LNX2: variants seen among roughly 807,000 people sequenced by gnomAD.
The protein encoded by LNX2 is ligand of numb-protein X 2, also known as ligand of Numb protein X 2.
A neutral mutation model predicts 66.2 loss-of-function variants in LNX2; 35 were observed. That is an observed-to-expected ratio of 0.53 (90% CI 0.40 to 0.70). The LOEUF (loss-of-function observed/expected upper bound fraction) is 0.70, where lower values mean the gene tolerates loss of function less well. Among genes scored for constraint, LNX2 ranks in the 30% least tolerant of loss-of-function variants. LNX2 has a pLI of 0.00. For synonymous variants in LNX2, 337 were observed against 315.6 expected (o/e 1.07, Z -0.72); for missense variants, 791 against 850.8 (o/e 0.93, Z 0.87).
rs1566124642 is a variant in LNX2, at chr13:27,583,203, T to TGCGCGC, written c.-100-1401_-100-1400insGCGCGC. On this transcript the variant is annotated intron_variant, in intron 1 of 9. Transcript: ENST00000316334. Reference sequence around the variant, plus strand: ...GTGTGTGTGTGTGTGTGTGTGTGTGTGTGTGTGTGTGTGTGTGTGTGTGTG... The same window carrying TGCGCGC: ...GTGTGTGTGTGTGTGTGTGTGTGTGTGCGCGCGTGTGTGTGTGTGTGTGTGTGTGTG... Among the ~76,000 whole-genome samples the TGCGCGC allele has an allele frequency of 4.2e-3, 70 of 16,508 alleles. 11 individuals carry two copies. The highest frequency in any genetic ancestry group is 0.042 in the Middle Eastern group (1 of 24). 10.8% of individuals were successfully genotyped at this position (16,508 alleles called of 152,430 possible). A position where few individuals can be genotyped will look rare whatever the true frequency, so the allele number is the denominator to read the frequency against.
At position 27,602,863 on chromosome 13, in the gene LNX2, T is replaced by C. The variant is rs1328006019; in HGVS notation, c.-101+17512A>G. ...GCTGTCTTTTTAATTTTAGCCATTG[T>C]GTTATGTGTGATCAATTAATATTTT... On this transcript the variant is annotated intron_variant, in intron 1 of 9. Transcript: ENST00000316334. 2.0e-5 allele frequency among the ~76,000 whole-genome samples: 3 copies of C among 151,790 alleles called. No homozygotes were observed. The East Asian group carries it at 5.9e-4, about 30-fold the overall frequency.
Position 27,546,893 on chromosome 13 carries a change from G to A in LNX2, c.*1442C>T, listed in dbSNP as rs976683678. On this transcript the variant is annotated 3_prime_UTR_variant, in exon 10 of 10. Coordinates refer to ENST00000316334, the MANE Select transcript of LNX2 (RefSeq NM_153371.4). ...ATGTTGAATAAAGGACAAAAAATGG[G>A]CTAGTCATAATTTTCAAAAACATTT... 6.6e-6 allele frequency: 1 copy of A among 152,048 alleles called. No homozygotes were observed. Among genetic ancestry groups the A allele is most frequent in the African/African-American group, 2.4e-5 (1 of 41,422 alleles). 9.4% of individuals were successfully genotyped at this position (152,048 alleles called of 1,614,324 possible). A position where few individuals can be genotyped will look rare whatever the true frequency, so the allele number is the denominator to read the frequency against.
At position 27,577,560 on chromosome 13, in the gene LNX2, AT is replaced by A. The variant is rs557131050; in HGVS notation, c.407+3736del. Among the ~76,000 whole-genome samples, 223 of 152,322 alleles carry A rather than the reference AT, an allele frequency of 1.5e-3. 1 individual carries two copies. Among genetic ancestry groups the A allele is most frequent in the South Asian group, 2.3e-3 (11 of 4,826 alleles). On this transcript the variant is annotated intron_variant, in intron 2 of 9. Transcript: ENST00000316334. ...GATAGCTGATAAGCTTAAAAAAAAA[AT>A]AATCCCAAAAGCCTTCCTGGGCTGC...
intron 1 of LNX2, among the ~76,000 whole-genome samples, chr13:27,586,359 A>G (rs1678364050): frequency 6.6e-6 from 1 of 152,172 alleles, no homozygotes; most frequent in African/African-American, 2.4e-5. Flanking sequence ...GAGTTTTGGA[A>G]GGAGAAAGGC....
In LNX2 at chr13:27,567,509, T is replaced by G. The variant is rs775885205; in HGVS notation, c.855+131A>C. On this transcript the variant is annotated intron_variant, in intron 4 of 9. Transcript: ENST00000316334. ...ACCACAAATTACACATAAATTCTGA[T>G]GTTTTGCATATAGAAACAGTAAAAC... 5 of 699,658 alleles carry G rather than the reference T, an allele frequency of 7.1e-6. No homozygotes were observed. The African/African-American group carries it at 9.0e-5, about 13-fold the overall frequency. 43.3% of individuals were successfully genotyped at this position (699,658 alleles called of 1,614,324 possible).
intron 1 of LNX2, among the ~76,000 whole-genome samples, chr13:27,594,980 T>C (rs1279888303): frequency 1.3e-5 from 2 of 152,218 alleles, no homozygotes; most frequent in African/African-American, 4.8e-5. Context: ...TTTCCCTGCC[T>C]GAATACTCTT....
chr13:27,582,236 G>T (rs1955406991), intron 1 of LNX2, among the ~76,000 whole-genome samples: 1 of 151,944 alleles, frequency 6.6e-6, no homozygotes, highest in Non-Finnish European at 1.5e-5. Context: ...TTTCCATGGT[G>T]GAAAGCCCAG....
chr13:27,571,233 G>A (rs1430442624), intron 2 of LNX2, among the ~76,000 whole-genome samples: 4 of 152,078 alleles, frequency 2.6e-5, no homozygotes, highest in Non-Finnish European at 5.9e-5. Context: ...AACTTAACTA[G>A]GGAGACAAGC....
intron 1 of LNX2, among the ~76,000 whole-genome samples, chr13:27,585,920 GAAGAA>G (rs1955479823): frequency 6.6e-6 from 1 of 150,982 alleles, no homozygotes; most frequent in South Asian, 2.1e-4. Context: ...AACTTTTCAT[GAAGAA>G]AATTAACATG....
rs1186584489 is a variant in LNX2 at position 27,581,373 on chromosome 13, A to G, written c.331T>C (p.Leu111=). 2.5e-6 allele frequency: 4 copies of G among 1,580,542 alleles called. No homozygotes were observed. Among genetic ancestry groups the G allele is most frequent in the Non-Finnish European group, 3.5e-6 (4 of 1,159,324 alleles). The change falls in exon 2 of 10, where the codon TTA becomes CTA. Residue 111 remains leucine, a synonymous_variant. Transcript: ENST00000316334. The part of the protein sequence containing the change: ...ILVHKLLDKL[L]VLCPFSSVCK... ...ACTGAAGAAAATGGACATAAAACTA[A>G]TAATTTGTCTAGGAGTTTATGAACT...
At position 27,591,618 on chromosome 13, in the gene LNX2, C is replaced by G. The variant is rs150354016; in HGVS notation, c.-100-9815G>C. 2.6e-5 allele frequency among the ~76,000 whole-genome samples: 4 copies of G among 152,324 alleles called. No individual in the cohort carries two copies. In the East Asian group the frequency reaches 7.7e-4, roughly 29 times the overall value. On this transcript the variant is annotated intron_variant, in intron 1 of 9. Transcript: ENST00000316334. Reference sequence around the variant, plus strand: ...TTTTCCTGTCTGTTCGTCCATCCATCTAGGATTTATTGAGAATCTCCTATG... The same window carrying G: ...TTTTCCTGTCTGTTCGTCCATCCATGTAGGATTTATTGAGAATCTCCTATG...
At chr13:27,548,883 CT>C (rs1954973883) in intron 9 of LNX2, among the ~76,000 whole-genome samples, 1 of 152,184 alleles carries the variant, frequency 6.6e-6, no homozygotes, top group South Asian at 2.1e-4. Context: ...CCCATACTTC[CT>C]CTTCTTTCAG....
chr13:27,570,741 C>T (rs1955269018), intron 2 of LNX2, among the ~76,000 whole-genome samples: 1 of 151,960 alleles, frequency 6.6e-6, no homozygotes, highest in Non-Finnish European at 1.5e-5. Context: ...ACTGAAAAGA[C>T]AGGTAAAGAT....
intron 6 of LNX2, among the ~76,000 whole-genome samples, chr13:27,557,843 G>C (rs1387707174): frequency 6.6e-6 from 1 of 152,002 alleles, no homozygotes; most frequent in African/African-American, 2.4e-5. Flanking sequence ...CCTATCTAAA[G>C]GTATGAAATT....
Position 27,559,726 on chromosome 13 carries a change from TA to T in LNX2, c.1368+115del, listed in dbSNP as rs1226732069. 5 of 1,024,090 alleles carry T rather than the reference TA, an allele frequency of 4.9e-6. No homozygotes were observed. The South Asian group carries it at 8.3e-5, about 17-fold the overall frequency. 63.4% of individuals were successfully genotyped at this position (1,024,090 alleles called of 1,614,324 possible). On this transcript the variant is annotated intron_variant, in intron 6 of 9. Coordinates refer to ENST00000316334, the MANE Select transcript of LNX2 (RefSeq NM_153371.4). Reference sequence around the variant, plus strand: ...ACAACCCTCATTTGAATCTTTTTTTTAAAAAAACTGCTTTATTGAGGTGTGA... The same window carrying T: ...ACAACCCTCATTTGAATCTTTTTTTTAAAAAACTGCTTTATTGAGGTGTGA...
chr13:27,558,633 C>T (rs1022845736), intron 6 of LNX2, among the ~76,000 whole-genome samples: 1 of 152,018 alleles, frequency 6.6e-6, no homozygotes, highest in South Asian at 2.1e-4. Context: ...CAAGGACTAG[C>T]TATATGAAAC....
Position 27,569,200 on chromosome 13 carries a change from C to T in LNX2, c.484G>A (p.Glu162Lys). The T allele has an allele frequency of 6.2e-7, 1 of 1,613,194 alleles. No individual in the cohort carries two copies. Residue 162 changes from glutamate to lysine, a missense_variant, in exon 3 of 10, where the codon GAA (glutamate) becomes AAA (lysine). By Grantham distance (56) the Glu-to-Lys change is moderately conservative. Transcript: ENST00000316334. ...GGATCTAGTAGAGTGGGCCCATTTTCATTCTCAATCTCTGCTTGAGTTCTA... is the reference window on the plus strand; with the variant it reads ...GGATCTAGTAGAGTGGGCCCATTTTTATTCTCAATCTCTGCTTGAGTTCTA... ...TSRTQAEIEN[E>K]NGPTLLDPAG...
At chr13:27,561,140 G>C (rs1398107266) in intron 5 of LNX2, among the ~76,000 whole-genome samples, 1 of 152,112 alleles carries the variant, frequency 6.6e-6, no homozygotes, top group Non-Finnish European at 1.5e-5. Flanking sequence ...TATAAAATAT[G>C]ATCACGGACA....
At chr13:27,602,993 T>A (rs1955675586) in intron 1 of LNX2, among the ~76,000 whole-genome samples, 1 of 152,124 alleles carries the variant, frequency 6.6e-6, no homozygotes, top group African/African-American at 2.4e-5. Flanking sequence ...ATAAATTTTA[T>A]ATATAACTTT....
Sources: allele counts gnomAD v4.1 joint callset (sites outside exome capture counted in the v4.1 genomes callset), GRCh38; gene constraint gnomAD v4.1.1; transcripts MANE v1.5; gene names NCBI Gene and HGNC (gene_info 2026-07-23, HGNC 2026-07-21).